AHNAK: variants seen among roughly 807,000 people sequenced by gnomAD.
AHNAK encodes neuroblast differentiation-associated protein AHNAK.
In AHNAK, 23 loss-of-function variants were observed where a neutral mutation model predicts 37.8. That is an observed-to-expected ratio of 0.61 (90% CI 0.44 to 0.86). The LOEUF is 0.86. Among genes scored for constraint, AHNAK ranks in the 40% least tolerant of loss-of-function variants. The pLI is 0.00. For missense variants in AHNAK, 7,411 were observed against 7,319.4 expected, an observed-to-expected ratio of 1.01 and a Z score of -0.46; for synonymous variants, 2,481 against 2,636.3, an observed-to-expected ratio of 0.94 and a Z score of 1.80.
At chr11:62,435,765 C>G (rs1347124744) in intron 5 of AHNAK, among the ~76,000 whole-genome samples, 1 of 152,078 alleles carries the variant, frequency 6.6e-6, no homozygotes, top group African/African-American at 2.4e-5. Flanking sequence ...TCAGGCTGGC[C>G]TTGAACTCCT....
At chr11:62,511,164 AG>A (rs1306186761), downstream of AHNAK, among the ~76,000 whole-genome samples, 1 of 152,168 alleles carries the variant, frequency 6.6e-6, no homozygotes, top group Non-Finnish European at 1.5e-5. Flanking sequence ...CACACAGGAA[AG>A]TTAGTCACAC....
chr11:62,438,403 G>A (rs932018283), intron 5 of AHNAK, among the ~76,000 whole-genome samples: 6 of 151,902 alleles, frequency 3.9e-5, no homozygotes, highest in Non-Finnish European at 7.4e-5. Flanking sequence ...GGCTGGTCTC[G>A]AACTCCTGAC....
intron 5 of AHNAK, among the ~76,000 whole-genome samples, chr11:62,473,915 A>C (rs1354738770): frequency 6.6e-6 from 1 of 150,974 alleles, no homozygotes; most frequent in East Asian, 2.0e-4. Flanking sequence ...TAGGAGGATC[A>C]CTGGAGGCTT....
intron 5 of AHNAK, among the ~76,000 whole-genome samples, chr11:62,453,532 C>T (rs1938585446): frequency 1.3e-5 from 2 of 152,174 alleles, no homozygotes; most frequent in Non-Finnish European, 2.9e-5. Context: ...ACAGCAGAAC[C>T]AGGATTCGAA....
intron 1 of AHNAK, chr11:62,537,165 T>C (rs1226393827): frequency 6.6e-6 from 1 of 152,200 alleles, no homozygotes; most frequent in Non-Finnish European, 1.5e-5. Context: ...TTTCACTGTG[T>C]TAGCCAGGAT....
Position 62,530,030 on chromosome 11 carries a change from G to T in AHNAK, c.4387C>A (p.Pro1463Thr), listed in dbSNP as rs540652346. 2.5e-6 allele frequency: 4 copies of T among 1,613,904 alleles called. No individual in the cohort carries two copies. The South Asian group carries it at 3.3e-5, about 13-fold the overall frequency. Residue 1463 changes from proline (P) to threonine (T), a missense_variant, in exon 5 of 5, where the codon CCT (proline) becomes ACT (threonine). Transcript: ENST00000378024. ...ACATCATAATCTCCTTTCATTTTAGGACCTTTCAAATGCAAACCAACATCT... is the reference window on the plus strand; with the variant it reads ...ACATCATAATCTCCTTTCATTTTAGTACCTTTCAAATGCAAACCAACATCT... ...IPDVGLHLKG[P>T]KMKGDYDVTV...
Position 62,522,904 on chromosome 11 carries a change from G to T in AHNAK, c.11513C>A (p.Pro3838His). 1 of 1,612,298 alleles carries T rather than the reference G, an allele frequency of 6.2e-7. No individual in the cohort carries two copies. Among genetic ancestry groups the T allele is most frequent in the Non-Finnish European group, 8.5e-7 (1 of 1,179,608 alleles). Residue 3838 changes from proline (P) to histidine (H), a missense_variant, in exon 5 of 5, where the codon CCC (proline) becomes CAC (histidine). Physicochemically the swap from Pro to His is moderately conservative, Grantham distance 77. Transcript: ENST00000378024. ...LPKADLDVSG[P>H]KVDIDVPDVN... ...ATCTGGAACATCAATGTCCACCTTG[G>T]GTCCTGAGACATCAAGGTCAGCCTT...
At chr11:62,449,743 G>T (rs577586603) in intron 5 of AHNAK, among the ~76,000 whole-genome samples, 1 of 152,212 alleles carries the variant, frequency 6.6e-6, no homozygotes, top group East Asian at 1.9e-4. Context: ...CTTCCAATGT[G>T]GTGGTTCGTC....
chr11:62,479,510 T>C (rs1366447556), intron 5 of AHNAK, among the ~76,000 whole-genome samples: 1 of 151,674 alleles, frequency 6.6e-6, no homozygotes, highest in East Asian at 1.9e-4. Context: ...TAGTTTGGGG[T>C]CTGCGAAGTG....
intron 5 of AHNAK, among the ~76,000 whole-genome samples, chr11:62,468,164 A>G (rs368257672): frequency 1.3e-5 from 2 of 152,272 alleles, no homozygotes; most frequent in East Asian, 3.9e-4. Flanking sequence ...CCTAGGCAAC[A>G]TGGCAAGACT....
chr11:62,484,883 G>A (rs146959769), intron 5 of AHNAK, among the ~76,000 whole-genome samples: 1,936 of 152,226 alleles, frequency 0.013, 20 homozygotes, highest in Non-Finnish European at 0.019. Flanking sequence ...TCCGCCTCCC[G>A]GGTTCAGGCG....
chr11:62,471,343 T>G (rs1265960075), intron 5 of AHNAK, among the ~76,000 whole-genome samples: 1 of 152,072 alleles, frequency 6.6e-6, no homozygotes, highest in East Asian at 1.9e-4. Flanking sequence ...CCAGGCTAAT[T>G]TTTGTATTTT....
At chr11:62,534,141 A>G in intron 4 of AHNAK, 67 bp from the exon 5 acceptor site, 1 of 1,464,208 alleles carries the variant, frequency 6.8e-7, no homozygotes, top group Non-Finnish European at 9.0e-7. Flanking sequence ...GCCCGGCCAC[A>G]GCCCAGCCGA....
intron 5 of AHNAK, among the ~76,000 whole-genome samples, chr11:62,474,556 C>T (rs896466482): frequency 3.3e-5 from 5 of 151,500 alleles, no homozygotes; most frequent in Admixed American, 1.3e-4. Flanking sequence ...GAATTGCTGC[C>T]GCTTCTTAGC....
rs139346479 is a variant in AHNAK, at chr11:62,527,730, G to T, written c.6687C>A (p.Ala2229=). The change falls in exon 5 of 5, where the codon GCC becomes GCA. Residue 2229 remains alanine (A), a synonymous_variant. Transcript: ENST00000378024. ...CTGGGCCATGAACATCCACATCTGG[G>T]GCATCAATGTCCACTTTGGGCCCTC... The part of the protein sequence containing the change: ...DIRGPKVDID[A]PDVDVHGPDW... 6.2e-7 allele frequency: 1 copy of T among 1,613,914 alleles called. No homozygotes were observed. The highest frequency in any genetic ancestry group is 8.5e-7 in the Non-Finnish European group (1 of 1,179,990).
At chr11:62,460,955 C>T (rs1019116603) in intron 5 of AHNAK, among the ~76,000 whole-genome samples, 6 of 149,736 alleles carry the variant, frequency 4.0e-5, no homozygotes, top group East Asian at 2.0e-4. Flanking sequence ...CGAGTAGCTG[C>T]GACTACAGGC....
At chr11:62,470,159 C>T (rs1473941559) in intron 5 of AHNAK, among the ~76,000 whole-genome samples, 2 of 151,662 alleles carry the variant, frequency 1.3e-5, no homozygotes, top group Non-Finnish European at 2.9e-5. Flanking sequence ...AAAAATTAGC[C>T]GTGTGTGGCC....
Position 62,532,975 on chromosome 11 carries a change from C to T in AHNAK, c.1442G>A (p.Gly481Glu). 2 of 1,614,154 alleles carry T rather than the reference C, an allele frequency of 1.2e-6. No individual in the cohort carries two copies. The highest frequency in any genetic ancestry group is 2.2e-5 in the South Asian group (2 of 91,086). The part of the protein sequence containing the change: ...LPEIATGGLE[G>E]KMKGTKVKTP... ...CTTCACTTTAGTACCTTTCATCTTT[C>T]CTTCCAGCCCACCAGTAGCAATCTC... is the stretch of plus-strand genomic sequence containing the variant. The change falls in exon 5 of 5, where the codon GGA becomes GAA. Residue 481 changes from glycine (G) to glutamate (E), a missense_variant. Physicochemically the swap from Gly to Glu is moderately conservative, Grantham distance 98. Transcript: ENST00000378024.
rs772266219 is a variant in AHNAK, at chr11:62,521,891, C to A, written c.12526G>T (p.Asp4176Tyr). 18 of 1,613,208 alleles carry A rather than the reference C, an allele frequency of 1.1e-5. No individual in the cohort carries two copies. Among genetic ancestry groups the A allele is most frequent in the South Asian group, 2.2e-5 (2 of 91,032 alleles). Residue 4176 changes from aspartate to tyrosine, a missense_variant, in exon 5 of 5, where the codon GAT (aspartate) becomes TAT (tyrosine). Physicochemically the swap from Asp to Tyr is radical, Grantham distance 160. Transcript: ENST00000378024. ...CAGTCTGGGCCTTGAACGTCCACAT[C>A]TGGGACATCAATGTCCACTTTGGGG... is the stretch of plus-strand genomic sequence containing the variant. ...KGPKVDIDVP[D>Y]VDVQGPDWHL...
Sources: gnomAD v4.1 joint callset for allele counts (sites outside exome capture counted in the v4.1 genomes callset) on GRCh38, gnomAD v4.1.1 for gene constraint, MANE v1.5 for transcripts, NCBI Gene and HGNC (gene_info 2026-07-23, HGNC 2026-07-21) for gene names.